USP34: variants seen among roughly 807,000 people sequenced by gnomAD.
USP34 encodes the protein ubiquitin carboxyl-terminal hydrolase 34.
A neutral mutation model predicts 460.3 loss-of-function variants in USP34; 70 were observed. The ratio of observed to expected loss-of-function variants is 0.15; its 90% confidence interval spans 0.13 to 0.19. The LOEUF (loss-of-function observed/expected upper bound fraction) is 0.19. USP34 is among the 10% of genes least tolerant of loss of function. The probability of loss-of-function intolerance (pLI) is 1.00; values close to 1 mark genes in which losing one functional copy is unlikely to be tolerated. For missense variants in USP34, 3,985 were observed against 4,236.2 expected, an observed-to-expected ratio of 0.94 and a Z score of 1.65; for synonymous variants, 1,647 against 1,405.3, an observed-to-expected ratio of 1.17 and a Z score of -3.85.
intron 1 of USP34, among the ~76,000 whole-genome samples, chr2:61,441,524 G>C (rs1316237207): frequency 1.3e-5 from 2 of 152,094 alleles, no homozygotes; most frequent in African/African-American, 2.4e-5. Context: ...CAAAGCCCCA[G>C]TCTCCCTCTC....
intron 1 of USP34, among the ~76,000 whole-genome samples, chr2:61,434,105 A>G (rs1294469846): frequency 6.6e-6 from 1 of 152,170 alleles, no homozygotes; most frequent in Non-Finnish European, 1.5e-5. Context: ...AGAGCATGTG[A>G]TACACCCCAA....
At chr2:61,417,248 G>C in intron 2 of USP34, 1 of 1,296,182 alleles carries the variant, frequency 7.7e-7, no homozygotes. Flanking sequence ...TGAAAGGCCT[G>C]TCTCCAAGGT....
intron 22 of USP34, among the ~76,000 whole-genome samples, chr2:61,318,568 A>T (rs746604383): frequency 1.3e-5 from 2 of 152,244 alleles, no homozygotes; most frequent in Non-Finnish European, 2.9e-5. Flanking sequence ...AAATAAGCAT[A>T]AAAAAGTCTT....
intron 35 of USP34, among the ~76,000 whole-genome samples, chr2:61,283,764 T>A (rs150702012): frequency 0.011 from 1,671 of 152,290 alleles, 41 homozygotes; most frequent in African/African-American, 0.038. Flanking sequence ...TACAAGCATG[T>A]GCCACCACAC....
intron 62 of USP34, among the ~76,000 whole-genome samples, chr2:61,225,113 G>T (rs540469210): frequency 6.6e-6 from 1 of 151,990 alleles, no homozygotes; most frequent in Middle Eastern, 3.4e-3. Context: ...TTCTGTAACA[G>T]ATTTTCTGTA....
intron 23 of USP34, among the ~76,000 whole-genome samples, chr2:61,317,238 A>G (rs185229364): frequency 1.2e-3 from 178 of 152,214 alleles, no homozygotes; most frequent in African/African-American, 4.2e-3. Context: ...ACCAGAGAAC[A>G]GAATTGGGCT....
At chr2:61,240,519 C>T (rs1688222213) in intron 53 of USP34, among the ~76,000 whole-genome samples, 1 of 152,012 alleles carries the variant, frequency 6.6e-6, no homozygotes, top group African/African-American at 2.4e-5. Context: ...ACCTCGTGAT[C>T]CGCCCGCCTC....
At chr2:61,235,063 G>A (rs573847408) in intron 57 of USP34, among the ~76,000 whole-genome samples, 34 of 152,258 alleles carry the variant, frequency 2.2e-4, no homozygotes, top group African/African-American at 7.5e-4. Flanking sequence ...CAGTTTACTT[G>A]AGATTTGCTA....
At chr2:61,303,393 T>C (rs1186125030) in intron 27 of USP34, among the ~76,000 whole-genome samples, 4 of 151,986 alleles carry the variant, frequency 2.6e-5, no homozygotes, top group African/African-American at 9.7e-5. Flanking sequence ...TTAAAATTGC[T>C]ATTATATACT....
chr2:61,424,985 A>C (rs1694469023), intron 1 of USP34, among the ~76,000 whole-genome samples: 1 of 152,010 alleles, frequency 6.6e-6, no homozygotes, highest in Non-Finnish European at 1.5e-5. Context: ...ACGCCCGGCT[A>C]ATTTTTGTAT....
intron 33 of USP34, among the ~76,000 whole-genome samples, chr2:61,292,133 T>A (rs947094574): frequency 1.3e-5 from 2 of 152,146 alleles, no homozygotes; most frequent in African/African-American, 2.4e-5. Context: ...GTCCCACAAC[T>A]TTGTGAATAT....
At position 61,259,470 on chromosome 2, in the gene USP34, C is replaced by T. The variant is rs530800878; in HGVS notation, c.5844+241G>A. On this transcript the variant is annotated intron_variant, in intron 44 of 79. Coordinates refer to ENST00000398571, the MANE Select transcript of USP34 (RefSeq NM_014709.4). ...TAGTGAGATCTCAGCTTGCTGCAAC[C>T]TCTGCCTCCTGGGCTCAAGCGAGCC... Among the ~76,000 whole-genome samples the T allele has an allele frequency of 2.3e-3, 342 of 151,902 alleles. 2 individuals are homozygous for T. The highest frequency in any genetic ancestry group is 2.3e-3 in the Non-Finnish European group (157 of 67,946).
chr2:61,318,691 G>A (rs566873320), intron 22 of USP34, among the ~76,000 whole-genome samples: 4 of 152,212 alleles, frequency 2.6e-5, no homozygotes, highest in East Asian at 1.9e-4. Flanking sequence ...ACATCTTTAC[G>A]ATAATGACAA....
chr2:61,211,492 C>G (rs185435524), intron 69 of USP34, among the ~76,000 whole-genome samples: 147 of 152,236 alleles, frequency 9.7e-4, no homozygotes, highest in Non-Finnish European at 1.6e-3. Context: ...AACTATCAAG[C>G]CTGAGTTAGG....
At chr2:61,447,102 A>C (rs2104047162) in intron 1 of USP34, among the ~76,000 whole-genome samples, 1 of 152,066 alleles carries the variant, frequency 6.6e-6, no homozygotes, top group Non-Finnish European at 1.5e-5. Context: ...TAAAAATAAA[A>C]AAATTAGCCT....
At chr2:61,367,143 G>C (rs1292915749) in intron 10 of USP34, among the ~76,000 whole-genome samples, 1 of 152,224 alleles carries the variant, frequency 6.6e-6, no homozygotes, top group East Asian at 1.9e-4. Flanking sequence ...AACAGTTCCT[G>C]AAAGGGCGAG....
At chr2:61,190,690 C>T (rs769770364) in intron 76 of USP34, 32 bp from the exon 77 acceptor site, 41 of 1,582,008 alleles carry the variant, frequency 2.6e-5, no homozygotes, top group Admixed American at 1.1e-4. Context: ...TGAGCACTTA[C>T]GGTTGAGCAC....
At position 61,450,598 on chromosome 2, in the gene USP34, C is replaced by A. The variant is rs978781566; in HGVS notation, c.43+20052G>T. On this transcript the variant is annotated intron_variant, in intron 1 of 79. Transcript: ENST00000398571. Reference sequence around the variant, plus strand: ...CCAACATGGTGAAATCCTGTCTCTACTAAAAATACCAAATAAATAATAAAG... The same window carrying A: ...CCAACATGGTGAAATCCTGTCTCTAATAAAAATACCAAATAAATAATAAAG... Among the ~76,000 whole-genome samples, 59 of 151,946 alleles carry A rather than the reference C, an allele frequency of 3.9e-4. 1 individual carries two copies. Among genetic ancestry groups the A allele is most frequent in the African/African-American group, 1.4e-3 (59 of 41,432 alleles).
At chr2:61,252,968 T>C (rs781456534) in intron 48 of USP34, among the ~76,000 whole-genome samples, 1 of 152,222 alleles carries the variant, frequency 6.6e-6, no homozygotes, top group Non-Finnish European at 1.5e-5. Context: ...GTCATTTTCT[T>C]AGTTTAGAAT....
Sources: gnomAD v4.1 joint callset for allele counts (sites outside exome capture counted in the v4.1 genomes callset) on GRCh38, gnomAD v4.1.1 for gene constraint, MANE v1.5 for transcripts, NCBI Gene and HGNC (gene_info 2026-07-23, HGNC 2026-07-21) for gene names.